The following KIAA1217 variants were observed in gnomAD, a reference collection of about 807,000 sequenced individuals.
KIAA1217 encodes the protein sickle tail protein homolog.
KIAA1217 carries 88 observed loss-of-function variants against 163.9 expected under a neutral mutation model. The observed-to-expected ratio is 0.54, with a 90% CI of 0.45 to 0.64. The LOEUF (loss-of-function observed/expected upper bound fraction) is 0.64. Among genes scored for constraint, KIAA1217 ranks in the 30% least tolerant of loss-of-function variants. The pLI, the probability that KIAA1217 is intolerant of heterozygous loss-of-function variation, is 0.00. For missense variants in KIAA1217, 2,372 were observed against 2,475.0 expected (o/e 0.96, Z 0.88); for synonymous variants, 903 against 923.1 (o/e 0.98, Z 0.39).
rs181214364 is a variant in KIAA1217, at chr10:24,338,155, G to C, written c.355-42714G>C. On this transcript the variant is annotated intron_variant, in intron 2 of 20. Coordinates refer to ENST00000376454, the MANE Select transcript of KIAA1217 (RefSeq NM_019590.5). ...TTTTTGTCACCAGAAGTTCTGAGTA[G>C]TTTATGTCCCAATGTGGATGATTTT... Among the ~76,000 whole-genome samples, 718 of 152,296 alleles carry C rather than the reference G, an allele frequency of 4.7e-3. 2 individuals carry two copies. The highest frequency in any genetic ancestry group is 5.6e-3 in the Non-Finnish European group (381 of 68,018).
intron 1 of KIAA1217, among the ~76,000 whole-genome samples, chr10:23,913,688 C>T (rs1378931064): frequency 1.3e-5 from 2 of 152,080 alleles, no homozygotes; most frequent in African/African-American, 4.8e-5. Flanking sequence ...CTGTCCCTCT[C>T]GATTGGCATG....
chr10:24,086,072 G>C (rs2061690141), intron 2 of KIAA1217, among the ~76,000 whole-genome samples: 1 of 151,728 alleles, frequency 6.6e-6, no homozygotes, highest in African/African-American at 2.4e-5. Flanking sequence ...ACCCCTGATT[G>C]ATGCCCCTCA....
intron 6 of KIAA1217, among the ~76,000 whole-genome samples, chr10:24,483,889 G>A (rs574447151): frequency 3.7e-4 from 57 of 152,052 alleles, no homozygotes; most frequent in African/African-American, 1.3e-3. Context: ...GGGGAGTGGC[G>A]GCTCTAGGCA....
intron 2 of KIAA1217, among the ~76,000 whole-genome samples, chr10:24,318,363 G>A (rs1184595108): frequency 1.3e-5 from 2 of 152,134 alleles, no homozygotes; most frequent in Non-Finnish European, 2.9e-5. Context: ...TAAGTTGAAG[G>A]CCACAAGAGA....
Position 23,818,020 on chromosome 10 carries a change from TATACACAC to T in KIAA1217, c.-321+122790_-321+122797del, listed in dbSNP as rs1837416411. ...ATATATATATATATACACACATATATATACACACATATATATACATATATATACACATA... is the reference window on the plus strand; with the variant it reads ...ATATATATATATATACACACATATATATATATATACATATATATACACATA... On this transcript the variant is annotated intron_variant, in intron 1 of 18. Coordinates refer to the KIAA1217 transcript ENST00000376462. Among the ~76,000 whole-genome samples the T allele has an allele frequency of 2.3e-5, 3 of 132,156 alleles. No homozygotes were observed. The South Asian group carries it at 6.8e-4, about 30-fold the overall frequency. The allele number at this position is 132,156 out of a possible 152,430, so 86.7% of individuals were successfully genotyped here. A position where few individuals can be genotyped will look rare whatever the true frequency, so the allele number is the denominator to read the frequency against.
chr10:23,846,942 GA>G (rs1293477223), intron 1 of KIAA1217, among the ~76,000 whole-genome samples: 4 of 152,142 alleles, frequency 2.6e-5, no homozygotes, highest in Non-Finnish European at 5.9e-5. Flanking sequence ...TTTTTAGCAT[GA>G]AGGGATGTTG....
chr10:24,257,426 G>C (rs1329621382), intron 2 of KIAA1217, among the ~76,000 whole-genome samples: 1 of 152,144 alleles, frequency 6.6e-6, no homozygotes, highest in African/African-American at 2.4e-5. Context: ...GCCCGGATGA[G>C]ATGTGGGGCC....
intron 1 of KIAA1217, among the ~76,000 whole-genome samples, chr10:23,942,092 T>C (rs372063149): frequency 2.4e-4 from 37 of 152,306 alleles, no homozygotes; most frequent in East Asian, 1.5e-3. Flanking sequence ...ACTCAATACA[T>C]ATTACATATA....
intron 1 of KIAA1217, among the ~76,000 whole-genome samples, chr10:23,966,052 C>T (rs1564571436): frequency 6.6e-6 from 1 of 152,188 alleles, no homozygotes; most frequent in Non-Finnish European, 1.5e-5. Context: ...CTGCTGAGCA[C>T]ATCCCTGCTG....
intron 1 of KIAA1217, among the ~76,000 whole-genome samples, chr10:23,817,992 T>C (rs1419949891): frequency 0.012 from 1,325 of 114,784 alleles, 57 homozygotes; most frequent in African/African-American, 0.051. Flanking sequence ...TATATATATA[T>C]ATATATATAT....
chr10:23,727,041 G>C (rs1466641932), intron 1 of KIAA1217, among the ~76,000 whole-genome samples: 8 of 135,216 alleles, frequency 5.9e-5, no homozygotes, highest in Non-Finnish European at 1.1e-4. Flanking sequence ...AGGCTGGAGT[G>C]CAGTGGCATG....
Position 24,123,573 on chromosome 10 carries a change from T to C in KIAA1217, c.-170-96053T>C, listed in dbSNP as rs11599588. Among the ~76,000 whole-genome samples, 785 of 152,326 alleles carry C rather than the reference T, an allele frequency of 5.2e-3. 3 individuals are homozygous for C. The highest frequency in any genetic ancestry group is 8.6e-3 in the Non-Finnish European group (582 of 68,008). On this transcript the variant is annotated intron_variant, in intron 2 of 18. Transcript: ENST00000376462. ...GATGTTGTTAAATTGCTCTACAAAC[T>C]ATACTGCTTTATTTGATTATGGAGC...
intron 8 of KIAA1217, among the ~76,000 whole-genome samples, chr10:24,500,784 T>C (rs1426906992): frequency 6.6e-6 from 1 of 152,164 alleles, no homozygotes; most frequent in Non-Finnish European, 1.5e-5. Flanking sequence ...ATGCAGATTT[T>C]AGAAATACAA....
At chr10:24,266,309 C>T (rs929027450) in intron 2 of KIAA1217, among the ~76,000 whole-genome samples, 3 of 152,156 alleles carry the variant, frequency 2.0e-5, no homozygotes, top group African/African-American at 7.2e-5. Flanking sequence ...CAGCTCCTGA[C>T]CTCAGGTGAT....
rs143016560 is a variant in KIAA1217 at position 24,080,679 on chromosome 10, A to G, written c.-171+73305A>G. On this transcript the variant is annotated intron_variant, in intron 2 of 18. Coordinates refer to the KIAA1217 transcript ENST00000376462. The stretch of plus-strand genomic sequence containing the variant: ...TAAATTACACTAATAAGTATATTTG[A>G]CTTGATGTGTAAATAAAAATTATTT... 3.7e-3 allele frequency among the ~76,000 whole-genome samples: 562 copies of G among 152,358 alleles called. 3 individuals are homozygous for G. The highest frequency in any genetic ancestry group is 0.013 in the African/African-American group (535 of 41,576).
chr10:24,542,126 G>A (rs1203498566), intron 17 of KIAA1217, among the ~76,000 whole-genome samples: 1 of 152,204 alleles, frequency 6.6e-6, no homozygotes, highest in African/African-American at 2.4e-5. Context: ...CCCAACCAAG[G>A]CAGATGTCTT....
chr10:24,063,979 G>T (rs1291135330), intron 2 of KIAA1217, among the ~76,000 whole-genome samples: 2 of 152,100 alleles, frequency 1.3e-5, no homozygotes, highest in Non-Finnish European at 1.5e-5. Context: ...TGTGATTTTT[G>T]CACATTGATT....
At position 24,368,833 on chromosome 10, in the gene KIAA1217, C is replaced by T. The variant is rs1026770372; in HGVS notation, c.355-12036C>T. On this transcript the variant is annotated intron_variant, in intron 2 of 20. Coordinates refer to ENST00000376454, the MANE Select transcript of KIAA1217 (RefSeq NM_019590.5). ...TAGAATCACCCTACTGAGAGTAACA[C>T]CAGCTTACTACCTAAGGAAAGCTAA... The T allele has an allele frequency of 1.9e-5, 19 of 983,468 alleles. No individual in the cohort carries two copies. The African/African-American group carries it at 3.3e-4, about 17-fold the overall frequency. 60.9% of individuals were successfully genotyped at this position (983,468 alleles called of 1,614,324 possible).
intron 2 of KIAA1217, among the ~76,000 whole-genome samples, chr10:24,275,527 C>T (rs2077188518): frequency 6.6e-6 from 1 of 152,152 alleles, no homozygotes; most frequent in Non-Finnish European, 1.5e-5. Flanking sequence ...TGACTGCAAA[C>T]ATTTGGGAGT....
Sources: gnomAD v4.1 joint callset for allele counts (sites outside exome capture counted in the v4.1 genomes callset) on GRCh38, gnomAD v4.1.1 for gene constraint, MANE v1.5 for transcripts, NCBI Gene and HGNC (gene_info 2026-07-23, HGNC 2026-07-21) for gene names.